The following RGS7 variants were observed in gnomAD, a reference collection of about 807,000 sequenced individuals.
RGS7 encodes the protein regulator of G-protein signaling 7.
Under a neutral mutation model 81.1 loss-of-function variants are expected in RGS7, and 27 were observed. The observed-to-expected ratio is 0.33, with a 90% CI of 0.25 to 0.46. The LOEUF is 0.46. Among genes scored for constraint, RGS7 ranks in the 20% least tolerant of loss-of-function variants. The pLI is 1.00. For missense variants in RGS7, 396 were observed against 607.4 expected (o/e 0.65, Z 3.66); for synonymous variants, 208 against 207.7 (o/e 1.00, Z -0.01).
intron 2 of RGS7, among the ~76,000 whole-genome samples, chr1:241,121,140 A>T (rs1470137255): frequency 6.6e-6 from 1 of 152,204 alleles, no homozygotes; most frequent in Admixed American, 6.5e-5. Context: ...TCAACAGTAA[A>T]TAGATGATAT....
downstream of RGS7, among the ~76,000 whole-genome samples, chr1:240,775,013 G>T (rs1682766995): frequency 6.6e-6 from 1 of 152,180 alleles, no homozygotes; most frequent in Non-Finnish European, 1.5e-5. Flanking sequence ...TTGAGCATCT[G>T]TGGATTTTGG....
chr1:241,066,430 T>C (rs916860213), intron 3 of RGS7, among the ~76,000 whole-genome samples: 3 of 152,366 alleles, frequency 2.0e-5, no homozygotes, highest in African/African-American at 4.8e-5. Context: ...CATAGGACTT[T>C]CGTTAAATGC....
At chr1:241,153,101 G>A (rs1203392567) in intron 2 of RGS7, among the ~76,000 whole-genome samples, 1 of 152,218 alleles carries the variant, frequency 6.6e-6, no homozygotes, top group South Asian at 2.1e-4. Flanking sequence ...ATCACTAAGA[G>A]TAAACATTGA....
chr1:241,186,352 T>C (rs528238298), intron 2 of RGS7: 1 of 231,650 alleles, frequency 4.3e-6, no homozygotes, highest in African/African-American at 2.3e-5. Flanking sequence ...GGTACATTCA[T>C]AAAGTAACAT....
chr1:240,841,962 A>C (rs772083413), intron 9 of RGS7, among the ~76,000 whole-genome samples: 3 of 152,130 alleles, frequency 2.0e-5, no homozygotes, highest in Non-Finnish European at 4.4e-5. Context: ...AAACTTCTTT[A>C]AGCCTTGGTG....
At chr1:240,822,476 T>C (rs1691981310) in intron 10 of RGS7, among the ~76,000 whole-genome samples, 1 of 152,192 alleles carries the variant, frequency 6.6e-6, no homozygotes, top group Non-Finnish European at 1.5e-5. Context: ...ACGTTTCTAA[T>C]AATAATGCAC....
In RGS7 at chr1:241,207,348, C is replaced by CATATATATATAT. The variant is rs540737449; in HGVS notation, c.79-108598_79-108587dup. On this transcript the variant is annotated intron_variant, in intron 2 of 18. Transcript: ENST00000440928. ...GGTATGGAGTATGCACTTTAAAATGCATATATATATATGCGTAAATATACA... is the reference window on the plus strand; with the variant it reads ...GGTATGGAGTATGCACTTTAAAATGCATATATATATATATATATATATATGCGTAAATATACA... 8.5e-3 allele frequency among the ~76,000 whole-genome samples: 1,228 copies of CATATATATATAT among 143,724 alleles called. 17 individuals are homozygous for CATATATATATAT. Among genetic ancestry groups the CATATATATATAT allele is most frequent in the African/African-American group, 0.024 (953 of 40,134 alleles). The allele number at this position is 143,724 out of a possible 152,430, so 94.3% of individuals were successfully genotyped here.
At chr1:241,289,042 G>A (rs1013429994) in intron 2 of RGS7, among the ~76,000 whole-genome samples, 24 of 152,180 alleles carry the variant, frequency 1.6e-4, no homozygotes, top group African/African-American at 5.3e-4. Context: ...TACCACTACT[G>A]CTGTTTTGGC....
chr1:240,830,340 A>G (rs930055889), intron 9 of RGS7, among the ~76,000 whole-genome samples: 1 of 152,224 alleles, frequency 6.6e-6, no homozygotes, highest in East Asian at 1.9e-4. Context: ...CTGAAACACA[A>G]ACTTCAGCAG....
intron 2 of RGS7, among the ~76,000 whole-genome samples, chr1:241,341,292 T>G (rs1238512324): frequency 6.6e-6 from 1 of 152,170 alleles, no homozygotes; most frequent in Non-Finnish European, 1.5e-5. Flanking sequence ...GGTCTGCAAC[T>G]TACTCGGTGT....
chr1:241,306,367 A>C (rs960855925), intron 2 of RGS7, among the ~76,000 whole-genome samples: 1 of 151,020 alleles, frequency 6.6e-6, no homozygotes, highest in African/African-American at 2.4e-5. Context: ...ACACATGTCC[A>C]CACACACGCA....
chr1:240,873,825 G>A (rs1295732346), intron 6 of RGS7, among the ~76,000 whole-genome samples: 1 of 151,982 alleles, frequency 6.6e-6, no homozygotes, highest in African/African-American at 2.4e-5. Context: ...AAATTACCCA[G>A]CTTACAACCC....
intron 9 of RGS7, among the ~76,000 whole-genome samples, chr1:240,838,160 C>T (rs1182741476): frequency 6.6e-6 from 1 of 152,182 alleles, no homozygotes; most frequent in Non-Finnish European, 1.5e-5. Flanking sequence ...AGTTCAAGAT[C>T]AAGGCAGTGA....
intron 2 of RGS7, among the ~76,000 whole-genome samples, chr1:241,125,515 C>T (rs1317907414): frequency 6.6e-6 from 1 of 152,146 alleles, no homozygotes; most frequent in African/African-American, 2.4e-5. Context: ...TGCTCTCCCA[C>T]AGAACAGCAT....
intron 2 of RGS7, among the ~76,000 whole-genome samples, chr1:241,310,386 TGC>T (rs201877428): frequency 1.1e-3 from 163 of 151,468 alleles, no homozygotes; most frequent in South Asian, 7.7e-3. Flanking sequence ...TGTATGAGTG[TGC>T]GTGTGAGTGT....
chr1:240,781,356 C>T (rs1310193595), intron 18 of RGS7, among the ~76,000 whole-genome samples: 5 of 152,120 alleles, frequency 3.3e-5, no homozygotes, highest in South Asian at 2.1e-4. Context: ...CTGTAACCCC[C>T]GCACTTTGGG....
At chr1:241,327,889 G>A (rs80076229) in intron 2 of RGS7, among the ~76,000 whole-genome samples, 2 of 152,112 alleles carry the variant, frequency 1.3e-5, no homozygotes, top group South Asian at 4.2e-4. Flanking sequence ...ATAGAAAAAG[G>A]CTTCTTAGAG....
intron 2 of RGS7, among the ~76,000 whole-genome samples, chr1:241,298,298 AAGAATTAATT>A (rs1467507346): frequency 2.0e-5 from 3 of 152,220 alleles, no homozygotes; most frequent in Non-Finnish European, 4.4e-5. Context: ...TAATCACAGA[AAGAATTAATT>A]AGAAGCTAGG....
chr1:241,318,995 G>A (rs2081054581), intron 2 of RGS7, among the ~76,000 whole-genome samples: 1 of 152,078 alleles, frequency 6.6e-6, no homozygotes, highest in Admixed American at 6.6e-5. Context: ...TTACTCCTCA[G>A]GAAGACAGGT....
Sources: allele counts gnomAD v4.1 joint callset (sites outside exome capture counted in the v4.1 genomes callset), GRCh38; gene constraint gnomAD v4.1.1; transcripts MANE v1.5; gene names NCBI Gene and HGNC (gene_info 2026-07-23, HGNC 2026-07-21).